Variants in PNPLA7 observed in about 807,000 individuals in gnomAD.
PNPLA7 encodes patatin like domain 7, lysophospholipase.
A neutral mutation model predicts 161.7 loss-of-function variants in PNPLA7; 153 were observed. The ratio of observed to expected loss-of-function variants is 0.95; its 90% CI spans 0.83 to 1.08. PNPLA7 has a LOEUF of 1.08. Ranked by LOEUF, PNPLA7 falls within the 50% of genes least tolerant of loss-of-function variation. PNPLA7 has a pLI of 0.00. For missense variants in PNPLA7, 1,739 were observed against 1,856.6 expected (o/e 0.94, Z 1.16); for synonymous variants, 809 against 782.1 (o/e 1.03, Z -0.57).
intron 4 of PNPLA7, 105 bp downstream of exon 4, chr9:137,546,725 A>T: frequency 9.7e-7 from 1 of 1,030,380 alleles, no homozygotes; most frequent in African/African-American, 1.6e-5. Context: ...GACAGCACAC[A>T]CCAAGCACTG....
chr9:137,506,137 G>T, intron 12 of PNPLA7, 54 bp from the exon 13 acceptor site: 1 of 1,477,458 alleles, frequency 6.8e-7, no homozygotes, highest in Non-Finnish European at 9.3e-7. Context: ...TGACACAAAC[G>T]TCCGCGGTGT....
rs1831224789 is a variant in PNPLA7 at position 137,461,926 on chromosome 9, C to T, written c.3756+5G>A. On this transcript the variant is annotated splice_donor_5th_base_variant and intron_variant, in intron 32 of 34. Transcript: ENST00000406427. ...GCTGGGCGTGGTCCGGACGCCCGTA[C>T]TCACCGCACTCGCGGGCTTCTTGCT... The T allele has an allele frequency of 6.4e-7, 1 of 1,560,920 alleles. No homozygotes were observed. Among genetic ancestry groups the T allele is most frequent in the Non-Finnish European group, 8.6e-7 (1 of 1,158,758 alleles).
intron 28 of PNPLA7, 74 bp downstream of exon 28, chr9:137,464,052 C>T: frequency 6.6e-7 from 1 of 1,523,662 alleles, no homozygotes. Context: ...CTTCCCAACC[C>T]CTGGGGCTGC....
At chr9:137,512,220 C>CA (rs1834275257) in intron 12 of PNPLA7, among the ~76,000 whole-genome samples, 1 of 152,276 alleles carries the variant, frequency 6.6e-6, no homozygotes, top group Admixed American at 6.5e-5. Context: ...GCAGCCCCAA[C>CA]AGAAATGTGT....
At chr9:137,501,431 A>C (rs1009898417) in intron 15 of PNPLA7, among the ~76,000 whole-genome samples, 3 of 152,226 alleles carry the variant, frequency 2.0e-5, no homozygotes, top group Non-Finnish European at 2.9e-5. Flanking sequence ...AGGTGCGAGC[A>C]GAAGGGCCAG....
In PNPLA7 at chr9:137,542,625, G is replaced by T. The variant is rs989529838; in HGVS notation, c.666+17C>A. 1.3e-6 allele frequency: 2 copies of T among 1,569,760 alleles called. No homozygotes were observed. The highest frequency in any genetic ancestry group is 2.7e-5 in the African/African-American group (2 of 73,648). On this transcript the variant is annotated intron_variant, in intron 7 of 34. Transcript: ENST00000406427. ...ATGCGCAGCCGCCTGACCCCGCCCC[G>T]CCGCCCTGCGACTCACAGTGTCCTG...
At chr9:137,491,395 G>A in intron 20 of PNPLA7, 1 of 818,732 alleles carries the variant, frequency 1.2e-6, no homozygotes, top group East Asian at 1.3e-4. Flanking sequence ...ACACACAAAA[G>A]ATAAAGATTG....
intron 23 of PNPLA7, chr9:137,479,954 G>A (rs775225158): frequency 1.0e-4 from 95 of 936,332 alleles, no homozygotes; most frequent in Non-Finnish European, 1.2e-4. Flanking sequence ...CAGGAACGAC[G>A]CCGACACCTA....
rs546009399 is a variant in PNPLA7, at chr9:137,522,951, C to G, written c.748-94G>C. The G allele has an allele frequency of 4.5e-4, 698 of 1,538,958 alleles. 3 individuals are homozygous for G. Among genetic ancestry groups the G allele is most frequent in the Non-Finnish European group, 5.9e-4 (674 of 1,133,780 alleles). ...CTGGAAGCCCTGGAGGAGGCCCCGCCTGCTGCCCAGTCACACGGCTCCATT... is the reference window on the plus strand; with the variant it reads ...CTGGAAGCCCTGGAGGAGGCCCCGCGTGCTGCCCAGTCACACGGCTCCATT... On this transcript the variant is annotated intron_variant, in intron 8 of 34. Transcript: ENST00000406427.
chr9:137,478,040 C>G lies in PNPLA7; in HGVS notation c.2876G>C (p.Gly959Ala). 6 of 1,426,188 alleles carry G rather than the reference C, an allele frequency of 4.2e-6. No homozygotes were observed. Among genetic ancestry groups the G allele is most frequent in the Non-Finnish European group, 9.2e-7 (1 of 1,085,964 alleles). The allele number at this position is 1,426,188 out of a possible 1,614,324, so 88.3% of individuals were successfully genotyped here. A position where few individuals can be genotyped will look rare whatever the true frequency, so the allele number is the denominator to read the frequency against. Residue 959 changes from glycine (G) to alanine (A), a missense_variant, in exon 25 of 35, where the codon GGA (glycine) becomes GCA (alanine). This residue lies in a region of PNPLA7 where 703 missense variants were observed against 694.6 expected (regional missense o/e 1.01). Transcript: ENST00000406427. ...NAIALVLGGG[G>A]ARGCAQVGVL... ...AGGAAGCGGGGGGACTCACCTTGCT[C>G]CCCCTCCCCCAAGCACCAGGGCAAT...
intron 29 of PNPLA7, 128 bp from the exon 30 acceptor site, chr9:137,462,961 G>C: frequency 1.5e-6 from 2 of 1,293,684 alleles, no homozygotes; most frequent in South Asian, 2.8e-5. Context: ...ACACCTTCTA[G>C]AGGCAGAAGA....
rs768969659 is a variant in PNPLA7, at chr9:137,543,665, G to C, written c.365+59C>G. 44 of 1,611,802 alleles carry C rather than the reference G, an allele frequency of 2.7e-5. No individual in the cohort carries two copies. Among genetic ancestry groups the C allele is most frequent in the Middle Eastern group, 3.3e-4 (2 of 6,068 alleles). ...GACACACCAGGCAGCTCAGGGTTGGGGAGGCCAGCACCATGGGGGGCACCT... is the reference window on the plus strand; with the variant it reads ...GACACACCAGGCAGCTCAGGGTTGGCGAGGCCAGCACCATGGGGGGCACCT... On this transcript the variant is annotated intron_variant, in intron 5 of 34. Transcript: ENST00000406427. The surrounding 1 kb of genome is among the most constrained non-coding windows in gnomAD (Gnocchi z 6.9).
Position 137,480,327 on chromosome 9 carries a change from C to A in PNPLA7, c.2565G>T (p.Glu855Asp), listed in dbSNP as rs760068400. 5.6e-6 allele frequency: 9 copies of A among 1,612,478 alleles called. No homozygotes were observed. The highest frequency in any genetic ancestry group is 7.6e-6 in the Non-Finnish European group (9 of 1,179,790). The part of the protein sequence containing the change: ...CILIVGLGDQ[E>D]PTVGELERML... ...CCGTGCTCACCTCGCCCACTGTGGG[C>A]TCCTGGTCACCCAGGCCCACGATGA... The change falls in exon 23 of 35, where the codon GAG becomes GAT. Residue 855 changes from glutamate to aspartate, a missense_variant. Coordinates refer to ENST00000406427, the MANE Select transcript of PNPLA7 (RefSeq NM_001098537.3).
chr9:137,461,695 G>C, intron 32 of PNPLA7, 75 bp from the exon 33 acceptor site: 1 of 1,435,044 alleles, frequency 7.0e-7, no homozygotes, highest in East Asian at 2.4e-5. Flanking sequence ...CCTGTGGGGA[G>C]GCCCCACCCA....
Position 137,471,681 on chromosome 9 carries a change from C to T in PNPLA7, c.2883-4208G>A, listed in dbSNP as rs79101231. Among the ~76,000 whole-genome samples, 212 of 151,602 alleles carry T rather than the reference C, an allele frequency of 1.4e-3. 5 individuals are homozygous for T. The Middle Eastern group carries it at 0.024, about 18-fold the overall frequency. On this transcript the variant is annotated intron_variant, in intron 25 of 34. Coordinates refer to ENST00000406427, the MANE Select transcript of PNPLA7 (RefSeq NM_001098537.3). ...AGAAATATAGTTAACAAAAGATGTGCAAGACCTCTACACTGAAGACCGCAA... is the reference window on the plus strand; with the variant it reads ...AGAAATATAGTTAACAAAAGATGTGTAAGACCTCTACACTGAAGACCGCAA...
At chr9:137,488,836 C>T (rs1356000408) in intron 20 of PNPLA7, among the ~76,000 whole-genome samples, 1 of 151,316 alleles carries the variant, frequency 6.6e-6, no homozygotes, top group Admixed American at 6.6e-5. Context: ...TCCAACTGTG[C>T]ACCCCCTGAC....
At chr9:137,496,800 C>G (rs149173709) in intron 18 of PNPLA7, among the ~76,000 whole-genome samples, 1 of 152,236 alleles carries the variant, frequency 6.6e-6, no homozygotes, top group Non-Finnish European at 1.5e-5. Flanking sequence ...GCCCCCCACT[C>G]GCTCAGGATG....
In PNPLA7 at chr9:137,498,176, G is replaced by A. The variant is rs367620575; in HGVS notation, c.1827C>T (p.Phe609=). The stretch of plus-strand genomic sequence containing the variant: ...CCAGGGCAAAGTCGATTTGCCGCAC[G>A]AAGGACGACATCCTCTTCACCACAG... The part of the protein sequence containing the change: ...AHTVVKRMSS[F]VRQIDFALDW... The change falls in exon 17 of 35, where the codon TTC becomes TTT. Residue 609 remains phenylalanine, a synonymous_variant. Coordinates refer to ENST00000406427, the MANE Select transcript of PNPLA7 (RefSeq NM_001098537.3). The A allele has an allele frequency of 3.0e-5, 48 of 1,612,812 alleles. No individual in the cohort carries two copies. In the African/African-American group the frequency reaches 4.5e-4, roughly 15 times the overall value.
intron 4 of PNPLA7, among the ~76,000 whole-genome samples, chr9:137,546,589 A>C (rs1350579483): frequency 6.6e-6 from 1 of 152,070 alleles, no homozygotes; most frequent in Non-Finnish European, 1.5e-5. Flanking sequence ...GAGGCCTGAG[A>C]GGGTGAGGGG....
Sources: allele counts gnomAD v4.1 joint callset (sites outside exome capture counted in the v4.1 genomes callset), GRCh38; gene constraint gnomAD v4.1.1; regional missense constraint gnomAD v4.1.1; non-coding constraint Gnocchi (gnomAD v3.1); transcripts MANE v1.5; gene names NCBI Gene and HGNC (gene_info 2026-07-23, HGNC 2026-07-21).